CFAP74: variants seen among roughly 807,000 people sequenced by gnomAD.
CFAP74 encodes cilia- and flagella-associated protein 74.
Under a neutral mutation model 188.9 loss-of-function variants are expected in CFAP74, and 124 were observed. The ratio of observed to expected loss-of-function variants is 0.66; its 90% CI spans 0.57 to 0.76. The LOEUF is 0.76. Among genes scored for constraint, CFAP74 ranks in the 30% least tolerant of loss-of-function variants. The pLI is 0.00. For missense variants in CFAP74, 2,198 were observed against 2,165.2 expected, an observed-to-expected ratio of 1.02 and a Z score of -0.30; for synonymous variants, 956 against 916.7, an observed-to-expected ratio of 1.04 and a Z score of -0.77.
intron 1 of CFAP74, among the ~76,000 whole-genome samples, chr1:1,996,488 C>G (rs1051905373): frequency 1.3e-5 from 2 of 152,176 alleles, no homozygotes. Context: ...AGCTTCAATT[C>G]TGCACTTCAC....
intron 17 of CFAP74, 122 bp downstream of exon 17, chr1:1,956,498 A>G (rs1570908498): frequency 8.3e-7 from 1 of 1,208,944 alleles, no homozygotes; most frequent in Non-Finnish European, 1.2e-6. Flanking sequence ...AGGCCCCCAC[A>G]CTGCCCTCCT....
intron 6 of CFAP74, among the ~76,000 whole-genome samples, chr1:1,983,464 G>A (rs565845581): frequency 1.6e-4 from 25 of 152,346 alleles, no homozygotes; most frequent in East Asian, 3.9e-4. Context: ...GAGCACGGGC[G>A]CTGTGCGGGA....
chr1:1,949,493 T>C (rs532747740), intron 18 of CFAP74, among the ~76,000 whole-genome samples: 1 of 151,940 alleles, frequency 6.6e-6, no homozygotes, highest in Non-Finnish European at 1.5e-5. Context: ...TGAGTGATTT[T>C]TTTTTTATTT....
intron 25 of CFAP74, among the ~76,000 whole-genome samples, chr1:1,938,518 TCA>T (rs1467539976): frequency 1.3e-5 from 2 of 151,060 alleles, no homozygotes; most frequent in Non-Finnish European, 2.9e-5. Flanking sequence ...CCATATGCAC[TCA>T]CACCTGCTCC....
rs200281905 is a variant in CFAP74, at chr1:1,955,610, T to C, written c.2176+81A>G. ...AATTCTCTACTTTCCAGCCCTCCCC[T>C]GGGCCCCTCAGCCCCCTGGAATGCT... On this transcript the variant is annotated intron_variant, in intron 18 of 38. Transcript: ENST00000682832. 8.4e-4 allele frequency: 1,359 copies of C among 1,611,478 alleles called. 6 individuals carry two copies. The Middle Eastern group carries it at 0.018, about 21-fold the overall frequency.
At chr1:1,969,805 G>A (rs991710180) in intron 10 of CFAP74, among the ~76,000 whole-genome samples, 7 of 152,144 alleles carry the variant, frequency 4.6e-5, no homozygotes, top group African/African-American at 1.7e-4. Context: ...CCCAGAGGAG[G>A]ATGCCTTGCC....
chr1:1,941,242 C>T (rs1468650483), intron 22 of CFAP74, among the ~76,000 whole-genome samples: 2 of 152,254 alleles, frequency 1.3e-5, no homozygotes, highest in Non-Finnish European at 2.9e-5. Context: ...CAGCTCCGCC[C>T]TGTTCCCCTC....
At chr1:1,990,789 C>T (rs1657520927) in intron 2 of CFAP74, 101 bp downstream of exon 2, 2 of 806,168 alleles carry the variant, frequency 2.5e-6, no homozygotes, top group African/African-American at 3.5e-5. Flanking sequence ...GTAAAAGATA[C>T]CCTCTCCCAG....
chr1:1,946,879 G>A (rs959441874), intron 19 of CFAP74, 111 bp downstream of exon 19: 60 of 838,998 alleles, frequency 7.2e-5, no homozygotes, highest in Non-Finnish European at 1.1e-4. Context: ...CTGGTCAAAC[G>A]CAAGGGCCAC....
intron 1 of CFAP74, among the ~76,000 whole-genome samples, chr1:2,001,347 T>C (rs900794508): frequency 5.9e-5 from 9 of 151,606 alleles, no homozygotes; most frequent in Non-Finnish European, 1.2e-4. Flanking sequence ...TTTTTTTTTT[T>C]GAGACGGAGT....
chr1:1,996,500 T>C (rs999754626), intron 1 of CFAP74, among the ~76,000 whole-genome samples: 3 of 152,168 alleles, frequency 2.0e-5, no homozygotes, highest in African/African-American at 7.2e-5. Context: ...GCACTTCACG[T>C]TGATTGATCA....
chr1:1,987,655 T>G (rs1201731449), intron 4 of CFAP74, among the ~76,000 whole-genome samples: 1 of 151,970 alleles, frequency 6.6e-6, no homozygotes, highest in Non-Finnish European at 1.5e-5. Context: ...GATTCTGCTG[T>G]CTCAGCCTCC....
In CFAP74 at chr1:1,923,074, T is replaced by A; in HGVS notation, c.4594A>T (p.Ile1532Phe). Reference sequence around the variant, plus strand: ...GCTGGCGTGTCTGTGTCAAACTGGATGTAGTCCAGGGTCACCAGGATGGGC... The same window carrying A: ...GCTGGCGTGTCTGTGTCAAACTGGAAGTAGTCCAGGGTCACCAGGATGGGC... Reference protein sequence around the residue: ...LRPILVTLDYIQFDTDTPAPP... With the variant: ...LRPILVTLDYFQFDTDTPAPP... Residue 1532 changes from isoleucine (I) to phenylalanine (F), a missense_variant, in exon 37 of 39, where the codon ATC becomes TTC. Ile to Phe is a conservative substitution (Grantham distance 21, BLOSUM62 0). Transcript: ENST00000682832. The surrounding 1 kb of genome is among the most constrained non-coding windows in gnomAD (Gnocchi z 6.3). 6.2e-7 allele frequency: 1 copy of A among 1,609,452 alleles called. No individual in the cohort carries two copies. The highest frequency in any genetic ancestry group is 8.5e-7 in the Non-Finnish European group (1 of 1,179,026).
In CFAP74 at chr1:1,923,523, C is replaced by T; in HGVS notation, c.4390-24G>A. 2 of 1,598,034 alleles carry T rather than the reference C, an allele frequency of 1.3e-6. No homozygotes were observed. The highest frequency in any genetic ancestry group is 1.3e-5 in the African/African-American group (1 of 74,710). ...TTCTGGGGACAAGAAGTGGAGTGGC[C>T]TTGTCCCCGAAGCTCGGCGGCAGGG... On this transcript the variant is annotated intron_variant, in intron 35 of 38. Transcript: ENST00000682832. This position sits in a 1 kb window ranked among gnomAD's most constrained non-coding sequence, Gnocchi z 6.3.
intron 6 of CFAP74, 159 bp downstream of exon 6, chr1:1,985,227 C>T: frequency 1.7e-6 from 1 of 597,970 alleles, no homozygotes; most frequent in East Asian, 2.7e-5. Context: ...GAAGACTAAC[C>T]CTTCCAACCA....
At position 1,929,293 on chromosome 1, in the gene CFAP74, C is replaced by T. The variant is rs544362355; in HGVS notation, c.3289-411G>A. On this transcript the variant is annotated intron_variant, in intron 26 of 38. Transcript: ENST00000682832. ...GGAGCCTCCATCTTGGAAATGGCTT[C>T]CCACAGAAGGGTCCCTCCATGACAG... Among the ~76,000 whole-genome samples the T allele has an allele frequency of 2.3e-3, 154 of 65,770 alleles. 2 individuals are homozygous for T. The highest frequency in any genetic ancestry group is 8.3e-3 in the African/African-American group (146 of 17,694). The allele number at this position is 65,770 out of a possible 152,430, so 43.1% of individuals were successfully genotyped here.
In CFAP74 at chr1:1,988,957, C is replaced by A. The variant is rs747443400; in HGVS notation, c.84G>T (p.Glu28Asp). 1.9e-6 allele frequency: 3 copies of A among 1,569,736 alleles called. No homozygotes were observed. In the South Asian group the frequency reaches 3.4e-5, roughly 18 times the overall value. ...LLLEDERDEL[E>D]DPEFDIKCLL... ...GACATTTGATGTCAAACTCCGGATCCTCTAATTCATCTCTTTCTAGAAATC... is the reference window on the plus strand; with the variant it reads ...GACATTTGATGTCAAACTCCGGATCATCTAATTCATCTCTTTCTAGAAATC... Residue 28 changes from glutamate (E) to aspartate (D), a missense_variant, in exon 3 of 39, where the codon GAG becomes GAT. Glu to Asp is a conservative substitution (Grantham distance 45). Transcript: ENST00000682832.
rs372910594 is a variant in CFAP74 at position 1,974,963 on chromosome 1, C to T, written c.501-765G>A. Among the ~76,000 whole-genome samples the T allele has an allele frequency of 1.1e-3, 167 of 152,340 alleles. 1 individual carries two copies. Among genetic ancestry groups the T allele is most frequent in the African/African-American group, 2.6e-3 (108 of 41,582 alleles). On this transcript the variant is annotated intron_variant, in intron 6 of 38. Transcript: ENST00000682832. ...CCTGGTGGAGGGATGCAAGGAGCCGCTCCTGGAGACTGCGAACGGTTCCAC... is the reference window on the plus strand; with the variant it reads ...CCTGGTGGAGGGATGCAAGGAGCCGTTCCTGGAGACTGCGAACGGTTCCAC...
At chr1:1,982,124 A>G (rs58434854) in intron 6 of CFAP74, among the ~76,000 whole-genome samples, 2,848 of 45,474 alleles carry the variant, frequency 0.063, 505 homozygotes, top group Admixed American at 0.2. Flanking sequence ...ACGGTGACAC[A>G]CAGGACACCC....
Sources: gnomAD v4.1 joint callset for allele counts (sites outside exome capture counted in the v4.1 genomes callset) on GRCh38, gnomAD v4.1.1 for gene constraint, Gnocchi (gnomAD v3.1) non-coding constraint, MANE v1.5 for transcripts, NCBI Gene and HGNC (gene_info 2026-07-23, HGNC 2026-07-21) for gene names.